OLFM1: variants seen among roughly 807,000 people sequenced by gnomAD.
OLFM1 encodes the protein olfactomedin 1, also known as noelin.
Under a neutral mutation model 49.7 loss-of-function variants are expected in OLFM1, and 9 were observed. That is an observed-to-expected ratio of 0.18 (90% CI 0.11 to 0.32). OLFM1 has a LOEUF of 0.32. OLFM1 is among the 10% of genes least tolerant of loss of function. The probability of loss-of-function intolerance (pLI) is 1.00; values close to 1 mark genes in which losing one functional copy is unlikely to be tolerated. For synonymous variants in OLFM1, 240 were observed against 271.8 expected (o/e 0.88, Z 1.15); for missense variants, 369 against 661.8 (o/e 0.56, Z 4.85).
intron 5 of OLFM1, among the ~76,000 whole-genome samples, chr9:135,110,955 T>C (rs1831014093): frequency 6.6e-6 from 1 of 152,222 alleles, no homozygotes; most frequent in Non-Finnish European, 1.5e-5. Flanking sequence ...TCCCGGGGGC[T>C]GCATCAGAGG....
intron 4 of OLFM1, 72 bp from the exon 5 acceptor site, chr9:135,106,677 G>T: frequency 1.7e-6 from 2 of 1,168,708 alleles, no homozygotes; most frequent in Non-Finnish European, 2.5e-6. Context: ...GCTCTGGGCA[G>T]TCGAGGTCAG....
chr9:135,110,014 A>C (rs1831000372), intron 5 of OLFM1, among the ~76,000 whole-genome samples: 1 of 152,162 alleles, frequency 6.6e-6, no homozygotes, highest in East Asian at 1.9e-4. Context: ...TGTGCTGAGC[A>C]CTGAGAGCCC....
intron 4 of OLFM1, chr9:135,105,494 G>A (rs571888397): frequency 1.3e-5 from 2 of 152,432 alleles, no homozygotes; most frequent in South Asian, 4.1e-4. Flanking sequence ...GCCACTTCCA[G>A]TTGGGAGAGA....
intron 3 of OLFM1, chr9:135,097,882 T>G: frequency 6.3e-7 from 1 of 1,586,836 alleles, no homozygotes; most frequent in Non-Finnish European, 8.6e-7. Context: ...CACCATGCAT[T>G]TTTACTATTA....
Position 135,095,828 on chromosome 9 carries a change from G to C in OLFM1, c.301-36G>C, listed in dbSNP as rs1231563306. 4 of 1,608,040 alleles carry C rather than the reference G, an allele frequency of 2.5e-6. No individual in the cohort carries two copies. In the South Asian group the frequency reaches 4.4e-5, roughly 18 times the overall value. ...CAGAGAAGATTGCCTGGCACCTACT[G>C]CGGCTGTTTTGCTGAACCTGTTGCC... On this transcript the variant is annotated intron_variant, in intron 2 of 5. Coordinates refer to ENST00000371793, the MANE Select transcript of OLFM1 (RefSeq NM_001282611.2).
intron 5 of OLFM1, among the ~76,000 whole-genome samples, chr9:135,110,935 G>A (rs1195307910): frequency 1.3e-5 from 2 of 152,214 alleles, no homozygotes; most frequent in South Asian, 2.1e-4. Flanking sequence ...AATAGCATCC[G>A]CTTCCCACTT....
At chr9:135,076,006 G>A (rs1830460016) in intron 1 of OLFM1, 9 of 1,439,390 alleles carry the variant, frequency 6.3e-6, no homozygotes, top group Non-Finnish European at 8.2e-6. Flanking sequence ...CGGAGACGGC[G>A]CTCCTCCAGC....
At chr9:135,103,052 C>T (rs925979486) in intron 4 of OLFM1, among the ~76,000 whole-genome samples, 13 of 152,224 alleles carry the variant, frequency 8.5e-5, no homozygotes, top group Admixed American at 4.6e-4. Context: ...CCTCTGAGCC[C>T]GTCTGGGGCC....
intron 4 of OLFM1, among the ~76,000 whole-genome samples, chr9:135,099,630 T>G (rs1830844269): frequency 6.6e-6 from 1 of 152,230 alleles, no homozygotes; most frequent in Non-Finnish European, 1.5e-5. Context: ...CACAAAGCTT[T>G]AAATTCCCCA....
At chr9:135,099,632 A>C (rs9777619) in intron 4 of OLFM1, among the ~76,000 whole-genome samples, 14,372 of 152,274 alleles carry the variant, frequency 0.094, 1,792 homozygotes, top group African/African-American at 0.29. Flanking sequence ...CAAAGCTTTA[A>C]ATTCCCCAGT....
chr9:135,088,176 C>T lies in OLFM1; in HGVS notation c.150+37C>T. ...CGCCGGCCGCCTTGGCGCGGCTCCT[C>T]CTCCTCCTCCTCCTCCCCCTCCTCG... On this transcript the variant is annotated intron_variant, in intron 1 of 5. Transcript: ENST00000371793. This position sits in a 1 kb window ranked among gnomAD's most constrained non-coding sequence, Gnocchi z 4.8. 1 of 1,268,286 alleles carries T rather than the reference C, an allele frequency of 7.9e-7. No individual in the cohort carries two copies. Among genetic ancestry groups the T allele is most frequent in the Middle Eastern group, 2.7e-4 (1 of 3,750 alleles). 78.6% of individuals were successfully genotyped at this position (1,268,286 alleles called of 1,614,324 possible).
At chr9:135,115,729 C>T (rs1482948669) in intron 5 of OLFM1, among the ~76,000 whole-genome samples, 1 of 152,230 alleles carries the variant, frequency 6.6e-6, no homozygotes, top group Non-Finnish European at 1.5e-5. Context: ...TGGTTTCAAG[C>T]TCAGGGTTTG....
chr9:135,078,520 G>A (rs918526675), intron 1 of OLFM1, among the ~76,000 whole-genome samples: 2 of 152,202 alleles, frequency 1.3e-5, no homozygotes, highest in Admixed American at 6.5e-5. Context: ...CCTACGACAC[G>A]CAAGGCTGTG....
chr9:135,114,020 A>G (rs572323339), intron 5 of OLFM1, among the ~76,000 whole-genome samples: 1 of 151,344 alleles, frequency 6.6e-6, no homozygotes, highest in African/African-American at 2.4e-5. Context: ...CCGTCTTCAC[A>G]TGGCTCCTCC....
rs1259789994 is a variant in OLFM1, at chr9:135,120,046, C to T, written c.1326C>T (p.Phe442=). 6.2e-7 allele frequency: 1 copy of T among 1,613,970 alleles called. No homozygotes were observed. The highest frequency in any genetic ancestry group is 8.5e-7 in the Non-Finnish European group (1 of 1,180,052). ...CCTATGAATACATCGACATCCCATT[C>T]CAGAACAAATACTCCCACATCTCCA... ...ASTYEYIDIP[F]QNKYSHISML... is the part of the protein sequence containing the mutation. The change falls in exon 6 of 6, where the codon TTC becomes TTT. Residue 442 remains phenylalanine, a synonymous_variant. Coordinates refer to ENST00000371793, the MANE Select transcript of OLFM1 (RefSeq NM_001282611.2).
upstream of OLFM1, among the ~76,000 whole-genome samples, chr9:135,085,128 C>T (rs1298449563): frequency 6.6e-6 from 1 of 152,158 alleles, no homozygotes; most frequent in Non-Finnish European, 1.5e-5. Flanking sequence ...AGGGGGCTGG[C>T]ATGAGGATAG....
rs1179002412 is a variant in OLFM1 at position 135,088,748 on chromosome 9, G to A, written c.150+609G>A. ...GGTTTGTTCCTTCTCCTCCGAGGAC[G>A]GTGCCGAGGGGCTTGGGTGGGGCCC... On this transcript the variant is annotated intron_variant, in intron 1 of 5. Coordinates refer to ENST00000371793, the MANE Select transcript of OLFM1 (RefSeq NM_001282611.2). The surrounding 1 kb of genome is among the most constrained non-coding windows in gnomAD (Gnocchi z 4.8). Among the ~76,000 whole-genome samples, 1 of 152,194 alleles carries A rather than the reference G, an allele frequency of 6.6e-6. No homozygotes were observed. Among genetic ancestry groups the A allele is most frequent in the Non-Finnish European group, 1.5e-5 (1 of 68,026 alleles).
At chr9:135,076,801 A>T in intron 1 of OLFM1, 1 of 1,531,072 alleles carries the variant, frequency 6.5e-7, no homozygotes, top group Non-Finnish European at 8.8e-7. Flanking sequence ...CCCTTCCTCC[A>T]TCTCCCTCAG....
upstream of OLFM1, chr9:135,086,839 C>T: frequency 2.5e-6 from 1 of 400,726 alleles, no homozygotes; most frequent in Non-Finnish European, 5.0e-6. Flanking sequence ...AGTAAGGACA[C>T]CCCCCAACCC....
Sources: gnomAD v4.1 joint callset for allele counts (sites outside exome capture counted in the v4.1 genomes callset) on GRCh38, gnomAD v4.1.1 for gene constraint, Gnocchi (gnomAD v3.1) non-coding constraint, MANE v1.5 for transcripts, NCBI Gene and HGNC (gene_info 2026-07-23, HGNC 2026-07-21) for gene names.